Variants in CNTNAP2 observed in about 807,000 individuals in gnomAD.
The protein encoded by CNTNAP2 is contactin associated protein 2.
A neutral mutation model predicts 155.2 loss-of-function variants in CNTNAP2; 98 were observed. The observed-to-expected ratio is 0.63, with a 90% confidence interval of 0.54 to 0.75. CNTNAP2 has a LOEUF of 0.75. Among genes scored for constraint, CNTNAP2 ranks in the 30% least tolerant of loss-of-function variants. The pLI is 0.00. For synonymous variants in CNTNAP2, 651 were observed against 631.2 expected, an observed-to-expected ratio of 1.03 and a Z score of -0.47; for missense variants, 1,727 against 1,688.1, an observed-to-expected ratio of 1.02 and a Z score of -0.40.
intron 1 of CNTNAP2, among the ~76,000 whole-genome samples, chr7:146,200,951 T>G (rs2116866950): frequency 6.6e-6 from 1 of 152,294 alleles, no homozygotes; most frequent in South Asian, 2.1e-4. Flanking sequence ...TGTTTGTTTG[T>G]TTGTAGCCTG....
At chr7:147,359,565 T>G (rs1397552606) in intron 9 of CNTNAP2, among the ~76,000 whole-genome samples, 1 of 152,112 alleles carries the variant, frequency 6.6e-6, no homozygotes, top group Non-Finnish European at 1.5e-5. Flanking sequence ...ATACAACAGG[T>G]CCTTGGAATG....
intron 1 of CNTNAP2, among the ~76,000 whole-genome samples, chr7:146,576,128 T>C (rs1227176074): frequency 6.6e-6 from 1 of 152,148 alleles, no homozygotes; most frequent in Non-Finnish European, 1.5e-5. Context: ...CTTGTTAACA[T>C]ACTAAAAGGA....
chr7:148,241,464 A>G (rs1248168255), intron 20 of CNTNAP2, among the ~76,000 whole-genome samples: 4 of 152,206 alleles, frequency 2.6e-5, no homozygotes, highest in Non-Finnish European at 4.4e-5. Context: ...CCAGTCCAGT[A>G]GAAGAAAGAC....
At chr7:146,764,277 T>C (rs1802157006) in intron 1 of CNTNAP2, among the ~76,000 whole-genome samples, 1 of 152,114 alleles carries the variant, frequency 6.6e-6, no homozygotes, top group African/African-American at 2.4e-5. Flanking sequence ...TACGAGACTG[T>C]AGAATTTGAG....
At chr7:147,958,797 G>T (rs150006910) in intron 14 of CNTNAP2, among the ~76,000 whole-genome samples, 1 of 152,218 alleles carries the variant, frequency 6.6e-6, no homozygotes, top group East Asian at 1.9e-4. Context: ...ATTTTTGTCT[G>T]CTGGCCAAAT....
rs557229495 is a variant in CNTNAP2, at chr7:147,409,075, A to G, written c.1670+13295A>G. ...TTAATGAAAGATTGTTATATTCACTAGTCTCCCCAAACAATGTCTTAACTG... is the reference window on the plus strand; with the variant it reads ...TTAATGAAAGATTGTTATATTCACTGGTCTCCCCAAACAATGTCTTAACTG... On this transcript the variant is annotated intron_variant, in intron 10 of 23. Coordinates refer to ENST00000361727, the MANE Select transcript of CNTNAP2 (RefSeq NM_014141.6). Among the ~76,000 whole-genome samples, 2 of 152,334 alleles carry G rather than the reference A, an allele frequency of 1.3e-5. 1 individual carries two copies. The highest frequency in any genetic ancestry group is 4.1e-4 in the South Asian group (2 of 4,826).
At chr7:147,337,265 G>T (rs921030852) in intron 9 of CNTNAP2, among the ~76,000 whole-genome samples, 9 of 152,054 alleles carry the variant, frequency 5.9e-5, no homozygotes, top group Non-Finnish European at 1.0e-4. Context: ...GGCAGATGAA[G>T]TCTCATCTGT....
chr7:146,476,694 T>C (rs1796881741), intron 1 of CNTNAP2, among the ~76,000 whole-genome samples: 2 of 152,284 alleles, frequency 1.3e-5, no homozygotes, highest in South Asian at 4.1e-4. Flanking sequence ...TTGATTTGGT[T>C]TAAATAAGAC....
intron 9 of CNTNAP2, among the ~76,000 whole-genome samples, chr7:147,339,070 T>C (rs779840966): frequency 6.6e-6 from 1 of 152,184 alleles, no homozygotes; most frequent in Non-Finnish European, 1.5e-5. Context: ...AACAATTCTA[T>C]CATCATTGAA....
rs1798977165 is a variant in CNTNAP2, at chr7:148,375,974, TG to T, written c.3476-7672del. ...GAGATTGCGCCACTGCACTCCAGCC[TG>T]GGTAACAGAGCAAGACTCCATCTCA... On this transcript the variant is annotated intron_variant, in intron 21 of 23. Coordinates refer to ENST00000361727, the MANE Select transcript of CNTNAP2 (RefSeq NM_014141.6). Among the ~76,000 whole-genome samples the T allele has an allele frequency of 3.4e-5, 2 of 58,750 alleles. 1 individual carries two copies. Among genetic ancestry groups the T allele is most frequent in the Non-Finnish European group, 9.2e-5 (2 of 21,732 alleles). 38.5% of individuals were successfully genotyped at this position (58,750 alleles called of 152,430 possible).
intron 3 of CNTNAP2, among the ~76,000 whole-genome samples, chr7:146,846,575 G>A (rs1295021339): frequency 6.6e-6 from 1 of 152,058 alleles, no homozygotes; most frequent in Non-Finnish European, 1.5e-5. Context: ...GCATCTACTA[G>A]TGAATTTTGA....
intron 11 of CNTNAP2, among the ~76,000 whole-genome samples, chr7:147,513,648 A>G (rs896638788): frequency 6.6e-6 from 1 of 152,240 alleles, no homozygotes; most frequent in African/African-American, 2.4e-5. Context: ...TCAAGGCCAA[A>G]TACAAAATCA....
At chr7:146,216,160 A>T (rs1009876101) in intron 1 of CNTNAP2, among the ~76,000 whole-genome samples, 3 of 152,188 alleles carry the variant, frequency 2.0e-5, no homozygotes, top group Admixed American at 6.5e-5. Flanking sequence ...GCAGGCTGTC[A>T]TGAAGGTGGC....
chr7:148,050,622 A>C (rs1352814008), intron 15 of CNTNAP2, among the ~76,000 whole-genome samples: 2 of 152,232 alleles, frequency 1.3e-5, no homozygotes, highest in Non-Finnish European at 2.9e-5. Flanking sequence ...CTAAGTATAC[A>C]GTATTTTTTA....
At chr7:147,644,600 C>T (rs564015377) in intron 13 of CNTNAP2, among the ~76,000 whole-genome samples, 11 of 152,058 alleles carry the variant, frequency 7.2e-5, no homozygotes, top group East Asian at 1.9e-4. Flanking sequence ...CCAACCTGGG[C>T]GATAGAGCGA....
intron 3 of CNTNAP2, among the ~76,000 whole-genome samples, chr7:146,986,631 A>C (rs1470774232): frequency 6.6e-6 from 1 of 152,086 alleles, no homozygotes; most frequent in African/African-American, 2.4e-5. Context: ...GCAGTGTAGA[A>C]GTGTTCCCTC....
At chr7:147,674,843 C>T (rs1192612164) in intron 13 of CNTNAP2, among the ~76,000 whole-genome samples, 2 of 151,938 alleles carry the variant, frequency 1.3e-5, no homozygotes, top group African/African-American at 4.8e-5. Flanking sequence ...TTTCTTTTAG[C>T]ATTCAATTTG....
rs1473754845 is a variant in CNTNAP2, at chr7:146,134,447, G to T, written c.97+17474G>T. 4.0e-5 allele frequency among the ~76,000 whole-genome samples: 6 copies of T among 150,826 alleles called. No homozygotes were observed. The East Asian group carries it at 1.2e-3, about 30-fold the overall frequency. On this transcript the variant is annotated intron_variant, in intron 1 of 23. Transcript: ENST00000361727. Reference sequence around the variant, plus strand: ...CCCTGGCCAGAACTTCCAACACTATGTTGAATAGGAGTGGTGAGAGAGGGC... The same window carrying T: ...CCCTGGCCAGAACTTCCAACACTATTTTGAATAGGAGTGGTGAGAGAGGGC...
intron 1 of CNTNAP2, among the ~76,000 whole-genome samples, chr7:146,562,840 C>T (rs1283696608): frequency 1.3e-5 from 2 of 151,848 alleles, no homozygotes; most frequent in African/African-American, 2.4e-5. Context: ...GAAACTAAAA[C>T]TTCAAATTAG....
Sources: allele counts gnomAD v4.1 joint callset (sites outside exome capture counted in the v4.1 genomes callset), GRCh38; gene constraint gnomAD v4.1.1; transcripts MANE v1.5; gene names NCBI Gene and HGNC (gene_info 2026-07-23, HGNC 2026-07-21).